Variants in ACAN observed in about 807,000 individuals in gnomAD.
ACAN encodes the protein aggrecan core protein.
ACAN carries 47 observed loss-of-function variants against 169.1 expected under a neutral mutation model. The observed-to-expected ratio is 0.28, with a 90% CI of 0.22 to 0.35. The LOEUF is 0.35. Ranked by LOEUF, ACAN falls within the 10% of genes least tolerant of loss-of-function variation. ACAN has a pLI of 1.00. For synonymous variants in ACAN, 1,115 were observed against 1,112.2 expected (o/e 1.00, Z -0.05); for missense variants, 2,716 against 2,759.9 (o/e 0.98, Z 0.36).
chr15:88,851,855 T>G lies in ACAN; in HGVS notation c.2088T>G (p.Gly696=), dbSNP rs1414844644. ...EEGGTPTSPS[G]VEEWIVTQVV... is the part of the protein sequence containing the mutation. ...GTGGCACACCCACATCACCCTCTGG[T>G]GTGGAGGAGTGGATCGTGACCCAAG... is the stretch of plus-strand genomic sequence containing the variant. Residue 696 remains glycine (G), a synonymous_variant, in exon 11 of 19, where the codon GGT becomes GGG. Coordinates refer to ENST00000560601, the MANE Select transcript of ACAN (RefSeq NM_001369268.1). This position sits in a 1 kb window ranked among gnomAD's most constrained non-coding sequence, Gnocchi z 4.3. The G allele has an allele frequency of 6.2e-7, 1 of 1,611,664 alleles. No homozygotes were observed. The highest frequency in any genetic ancestry group is 1.3e-5 in the African/African-American group (1 of 74,922).
At chr15:88,821,877 T>C (rs1896085277) in intron 1 of ACAN, among the ~76,000 whole-genome samples, 1 of 152,080 alleles carries the variant, frequency 6.6e-6, no homozygotes, top group Admixed American at 6.5e-5. Context: ...ACAGTTACGG[T>C]TTATTACAGC....
At chr15:88,846,553 A>G (rs1475945544) in intron 7 of ACAN, among the ~76,000 whole-genome samples, 1 of 152,258 alleles carries the variant, frequency 6.6e-6, no homozygotes, top group Non-Finnish European at 1.5e-5. Flanking sequence ...GAGGTTGAAT[A>G]CAGTCAGTCT....
At chr15:88,817,838 A>G (rs1895978116) in intron 1 of ACAN, among the ~76,000 whole-genome samples, 1 of 124,660 alleles carries the variant, frequency 8.0e-6, no homozygotes, top group South Asian at 2.9e-4. Flanking sequence ...TGCGCAACAG[A>G]GTGAGACTCT....
chr15:88,859,263 C>A lies in ACAN; in HGVS notation c.6678C>A (p.Thr2226=). 1.2e-6 allele frequency: 2 copies of A among 1,613,886 alleles called. No individual in the cohort carries two copies. The highest frequency in any genetic ancestry group is 1.7e-6 in the Non-Finnish European group (2 of 1,179,872). Residue 2226 remains threonine, a synonymous_variant, in exon 12 of 19, where the codon ACC becomes ACA. Coordinates refer to ENST00000560601, the MANE Select transcript of ACAN (RefSeq NM_001369268.1). ...CAGAGTCTGAGTGGACCCAGCAGACCCAGCGCCCTGCAGAGACGCATCTAG... is the reference window on the plus strand; with the variant it reads ...CAGAGTCTGAGTGGACCCAGCAGACACAGCGCCCTGCAGAGACGCATCTAG... ...SIPESEWTQQ[T]QRPAETHLEI...
At chr15:88,824,819 C>T (rs1411969196) in intron 1 of ACAN, among the ~76,000 whole-genome samples, 3 of 151,536 alleles carry the variant, frequency 2.0e-5, no homozygotes, top group Non-Finnish European at 4.4e-5. Context: ...GTGGAGGTTG[C>T]AGTGAGCCAA....
chr15:88,810,622 A>G (rs1895797903), intron 1 of ACAN, among the ~76,000 whole-genome samples: 2 of 152,180 alleles, frequency 1.3e-5, no homozygotes, highest in African/African-American at 4.8e-5. Context: ...AGGATGACTC[A>G]GGCAGGAATG....
rs912850967 is a variant in ACAN at position 88,838,112 on chromosome 15, C to A, written c.71-551C>A. 3.3e-5 allele frequency among the ~76,000 whole-genome samples: 5 copies of A among 151,984 alleles called. No individual in the cohort carries two copies. ...TTCTCGGATGCTTCTCCACCTGAGT[C>A]CCCTGACTCCCAAACAGCAGAAGAG... On this transcript the variant is annotated intron_variant, in intron 2 of 18. Coordinates refer to ENST00000560601, the MANE Select transcript of ACAN (RefSeq NM_001369268.1). The surrounding 1 kb of genome is among the most constrained non-coding windows in gnomAD (Gnocchi z 5.1).
intron 11 of ACAN, 41 bp downstream of exon 11, chr15:88,852,074 A>G (rs1480422016): frequency 6.4e-7 from 1 of 1,557,306 alleles, no homozygotes; most frequent in Non-Finnish European, 8.7e-7. Flanking sequence ...CTGAAGCTGC[A>G]TACCCCTGTC....
chr15:88,834,832 C>T (rs1896461350), intron 1 of ACAN, among the ~76,000 whole-genome samples: 1 of 152,168 alleles, frequency 6.6e-6, no homozygotes, highest in African/African-American at 2.4e-5. Context: ...CTCTAAAAAT[C>T]CTGAGGTCCA....
Position 88,840,124 on chromosome 15 carries a change from G to T in ACAN, c.567G>T (p.Gln189His). The T allele has an allele frequency of 6.2e-7, 1 of 1,606,040 alleles. No individual in the cohort carries two copies. The highest frequency in any genetic ancestry group is 8.5e-7 in the Non-Finnish European group (1 of 1,176,582). Residue 189 changes from glutamine to histidine, a missense_variant, in exon 4 of 19, where the codon CAG (glutamine) becomes CAT (histidine). Coordinates refer to ENST00000560601, the MANE Select transcript of ACAN (RefSeq NM_001369268.1). Reference protein sequence around the residue: ...SAIIATPEQLQAAYEDGFHQC... With the variant: ...SAIIATPEQLHAAYEDGFHQC... ...TCATTGCCACGCCTGAGCAGCTGCA[G>T]GCCGCCTACGAAGACGGCTTCCACC... is the stretch of plus-strand genomic sequence containing the variant.
chr15:88,871,921 C>G lies in ACAN; in HGVS notation c.7220-82C>G. On this transcript the variant is annotated intron_variant, in intron 15 of 18. Transcript: ENST00000560601. The surrounding 1 kb of genome is among the most constrained non-coding windows in gnomAD (Gnocchi z 7.8). ...CACCCACCTCCTTTCCTCCTCCATC[C>G]CCTCTGCCTCCGTGAGCTCAAGTTT... The G allele has an allele frequency of 1.6e-6, 2 of 1,247,886 alleles. No individual in the cohort carries two copies. Among genetic ancestry groups the G allele is most frequent in the South Asian group, 1.2e-5 (1 of 83,848 alleles). The allele number at this position is 1,247,886 out of a possible 1,614,324, so 77.3% of individuals were successfully genotyped here. A position where few individuals can be genotyped will look rare whatever the true frequency, so the allele number is the denominator to read the frequency against.
Position 88,845,737 on chromosome 15 carries a change from C to T in ACAN, c.1284C>T (p.Ala428=). The change falls in exon 7 of 19, where the codon GCC becomes GCT. Residue 428 remains alanine (A), a synonymous_variant. Transcript: ENST00000560601. Reference sequence around the variant, plus strand: ...TTGCCCCTGAAATAGGGGCCACTGCCTTCGCTGAGGTTGAGAATGAGACTG... The same window carrying T: ...TTGCCCCTGAAATAGGGGCCACTGCTTTCGCTGAGGTTGAGAATGAGACTG... The part of the protein sequence containing the change: ...FTFAPEIGAT[A]FAEVENETGE... 1.2e-6 allele frequency: 2 copies of T among 1,613,698 alleles called. No individual in the cohort carries two copies. Among genetic ancestry groups the T allele is most frequent in the South Asian group, 2.2e-5 (2 of 91,024 alleles).
chr15:88,841,993 C>A, intron 5 of ACAN, 126 bp downstream of exon 5: 1 of 1,310,680 alleles, frequency 7.6e-7, no homozygotes. Flanking sequence ...ACTCTGTCCT[C>A]CTCTGCCATG....
chr15:88,837,307 C>T (rs925964826), intron 2 of ACAN, among the ~76,000 whole-genome samples: 8 of 152,338 alleles, frequency 5.3e-5, no homozygotes, highest in South Asian at 4.1e-4. Flanking sequence ...CCAGCCACTA[C>T]AGCCCAAGGC....
Position 88,858,306 on chromosome 15 carries a change from A to G in ACAN, c.5721A>G (p.Glu1907=). 1 of 1,613,980 alleles carries G rather than the reference A, an allele frequency of 6.2e-7. No homozygotes were observed. The highest frequency in any genetic ancestry group is 1.1e-5 in the South Asian group (1 of 91,074). Residue 1907 remains glutamate (E), a synonymous_variant, in exon 12 of 19, where the codon GAA becomes GAG. Coordinates refer to ENST00000560601, the MANE Select transcript of ACAN (RefSeq NM_001369268.1). This position sits in a 1 kb window ranked among gnomAD's most constrained non-coding sequence, Gnocchi z 4.0. The part of the protein sequence containing the change: ...LPSGIAEVSG[E]SSRAEIGSSL... ...GTGGCATAGCTGAGGTCAGTGGAGA[A>G]TCCTCCAGAGCTGAGATTGGGAGCA...
chr15:88,860,871 G>C (rs1016914379), intron 13 of ACAN, among the ~76,000 whole-genome samples: 1 of 152,080 alleles, frequency 6.6e-6, no homozygotes, highest in Non-Finnish European at 1.5e-5. Flanking sequence ...TCCATGCTTG[G>C]GTCTGCGTGG....
chr15:88,827,487 C>T (rs1481470839), intron 1 of ACAN, among the ~76,000 whole-genome samples: 1 of 152,200 alleles, frequency 6.6e-6, no homozygotes, highest in Non-Finnish European at 1.5e-5. Context: ...CTACTTTGTG[C>T]AGAAACTGAC....
chr15:88,848,150 A>T, intron 9 of ACAN, 112 bp downstream of exon 9: 1 of 1,450,762 alleles, frequency 6.9e-7, no homozygotes. Context: ...CCCTGATTCC[A>T]CCCAGCTTTC....
chr15:88,858,623 A>C lies in ACAN; in HGVS notation c.6038A>C (p.Asn2013Thr), dbSNP rs372805764. 3.6e-5 allele frequency: 58 copies of C among 1,613,850 alleles called. No individual in the cohort carries two copies. The highest frequency in any genetic ancestry group is 4.8e-5 in the Non-Finnish European group (57 of 1,179,904). The change falls in exon 12 of 19, where the codon AAT becomes ACT. Residue 2013 changes from asparagine (N) to threonine (T), a missense_variant. Coordinates refer to ENST00000560601, the MANE Select transcript of ACAN (RefSeq NM_001369268.1). The surrounding 1 kb of genome is among the most constrained non-coding windows in gnomAD (Gnocchi z 4.0). Reference sequence around the variant, plus strand: ...AGTGGGGATTTTGCCAGCACCACCAATGTAAGTGGAGAATCCTCTGTAGCC... The same window carrying C: ...AGTGGGGATTTTGCCAGCACCACCACTGTAAGTGGAGAATCCTCTGTAGCC... ...YFSGDFASTTNVSGESSVAMG... is the reference protein window; with the variant it reads ...YFSGDFASTTTVSGESSVAMG...
Sources: gnomAD v4.1 joint callset for allele counts (sites outside exome capture counted in the v4.1 genomes callset) on GRCh38, gnomAD v4.1.1 for gene constraint, Gnocchi (gnomAD v3.1) non-coding constraint, MANE v1.5 for transcripts, NCBI Gene and HGNC (gene_info 2026-07-23, HGNC 2026-07-21) for gene names.